The following SRSF9 variants were observed in gnomAD, a reference collection of about 807,000 sequenced individuals.
The protein encoded by SRSF9 is serine and arginine rich splicing factor 9.
SRSF9 carries 3 observed loss-of-function variants against 25.9 expected under a neutral mutation model. The observed-to-expected ratio is 0.12, with a 90% confidence interval of 0.05 to 0.30. The LOEUF (loss-of-function observed/expected upper bound fraction) is 0.30. Among genes scored for constraint, SRSF9 ranks in the 10% least tolerant of loss-of-function variants. The pLI, the probability that SRSF9 is intolerant of heterozygous loss-of-function variation, is 1.00. For synonymous variants in SRSF9, 114 were observed against 113.2 expected, an observed-to-expected ratio of 1.01 and a Z score of -0.05; for missense variants, 161 against 303.5, an observed-to-expected ratio of 0.53 and a Z score of 3.49.
In SRSF9 at chr12:120,464,082, GTGATC is replaced by G; in HGVS notation, c.385_389del (p.Asp129HisfsTer11). On this transcript the variant is annotated frameshift_variant, in exon 3 of 4. Transcript: ENST00000229390. LOFTEE classifies it high-confidence loss of function. ...AACAGACATCCCCAGCTTCTCGCAT[GTGATC>G]CTTCAGGTCCTGCCAGCTGCCTGAC... 1 of 1,614,110 alleles carries G rather than the reference GTGATC, an allele frequency of 6.2e-7. No individual in the cohort carries two copies.
chr12:120,463,929 C>A (rs1177407411), intron 3 of SRSF9, 21 bp downstream of exon 3: 1 of 1,586,358 alleles, frequency 6.3e-7, no homozygotes, highest in Non-Finnish European at 8.6e-7. Context: ...ACAAGCTCCT[C>A]AACAGAAGGC....
At chr12:120,464,173 C>A (rs1878429873) in intron 2 of SRSF9, 51 bp from the exon 3 acceptor site, 2 of 1,566,604 alleles carry the variant, frequency 1.3e-6, no homozygotes, top group Admixed American at 3.8e-5. Context: ...ATGTTAACTG[C>A]CCTGTTAAGA....
At chr12:120,465,876 T>C in intron 1 of SRSF9, 89 bp from the exon 2 acceptor site, 1 of 1,311,864 alleles carries the variant, frequency 7.6e-7, no homozygotes, top group Non-Finnish European at 1.0e-6. Flanking sequence ...GCATGAGTAG[T>C]AAGCATAAAA....
chr12:120,467,806 T>C (rs1878514298), intron 1 of SRSF9, among the ~76,000 whole-genome samples: 1 of 149,668 alleles, frequency 6.7e-6, no homozygotes, highest in Non-Finnish European at 1.5e-5. Context: ...TCAAATCCAT[T>C]GATCCCGGCC....
chr12:120,469,283 T>G (rs1180436950), intron 1 of SRSF9, 139 bp downstream of exon 1: 18 of 502,946 alleles, frequency 3.6e-5, no homozygotes, highest in Non-Finnish European at 6.0e-5. Context: ...CCTCCACCCG[T>G]GAGGGGGCGC....
Position 120,463,934 on chromosome 12 carries a change from G to T in SRSF9, c.522+16C>A, listed in dbSNP as rs1175737099. 1.3e-5 allele frequency: 20 copies of T among 1,590,284 alleles called. No individual in the cohort carries two copies. The highest frequency in any genetic ancestry group is 1.5e-5 in the Non-Finnish European group (17 of 1,168,938). On this transcript the variant is annotated intron_variant, in intron 3 of 3. Transcript: ENST00000229390. ...TGATTTGAGTACAAGCTCCTCAACA[G>T]AAGGCAAGGACCCACCTCATGAGAG...
intron 3 of SRSF9, chr12:120,463,582 C>T (rs1878413852): frequency 6.0e-6 from 1 of 166,012 alleles, no homozygotes. Context: ...CAGCCTGGAC[C>T]CACAGGAGGG....
chr12:120,464,826 A>T (rs2137050206), intron 2 of SRSF9: 1 of 152,294 alleles, frequency 6.6e-6, no homozygotes, highest in Non-Finnish European at 1.5e-5. Context: ...TAGTTTTCTA[A>T]GCAGGATTTC....
In SRSF9 at chr12:120,469,556, C is replaced by T. The variant is rs370480402; in HGVS notation, c.54G>A (p.Val18=). 2.5e-6 allele frequency: 4 copies of T among 1,575,040 alleles called. No homozygotes were observed. Among genetic ancestry groups the T allele is most frequent in the African/African-American group, 1.4e-5 (1 of 71,332 alleles). The change falls in exon 1 of 4, where the codon GTG becomes GTA. Residue 18 remains valine (V), a synonymous_variant. Coordinates refer to ENST00000229390, the MANE Select transcript of SRSF9 (RefSeq NM_003769.3). ...CGCGCACGTCGGTCGGAAGGTTCCC[C>T]ACGTAGATGCGCCCGTCGCCCTCGC... ...RGGEGDGRIY[V]GNLPTDVREK...
At chr12:120,468,481 A>T (rs185613198) in intron 1 of SRSF9, among the ~76,000 whole-genome samples, 1 of 152,202 alleles carries the variant, frequency 6.6e-6, no homozygotes, top group East Asian at 1.9e-4. Flanking sequence ...TCAGCCATCA[A>T]CGCCTCGCGG....
chr12:120,463,848 C>A, intron 3 of SRSF9, 102 bp downstream of exon 3: 1 of 1,356,880 alleles, frequency 7.4e-7, no homozygotes, highest in South Asian at 1.4e-5. Context: ...TCTTATGGTA[C>A]TGTGAGGTTA....
At chr12:120,468,433 TGAG>T (rs1310819766) in intron 1 of SRSF9, among the ~76,000 whole-genome samples, 8 of 152,202 alleles carry the variant, frequency 5.3e-5, no homozygotes, top group Admixed American at 3.9e-4. Flanking sequence ...TTGAGGCAAA[TGAG>T]GAGATACTAG....
rs775156072 is a variant in SRSF9 at position 120,462,056 on chromosome 12, C to T, written c.629G>A (p.Gly210Asp). 1 of 1,611,886 alleles carries T rather than the reference C, an allele frequency of 6.2e-7. No individual in the cohort carries two copies. The highest frequency in any genetic ancestry group is 1.1e-5 in the South Asian group (1 of 90,960). The change falls in exon 4 of 4, where the codon GGT (glycine) becomes GAT (aspartate). Residue 210 changes from glycine to aspartate, a missense_variant. This residue lies in a region of SRSF9 where 21 missense variants were observed against 20.1 expected (regional missense o/e 1.05). Transcript: ENST00000229390. ...GAAAGGAGAGAAGTAGTGTGGGGAA[C>T]CCCTGCTTTGGTATGGAGAGTCACG... is the stretch of plus-strand genomic sequence containing the variant. The part of the protein sequence containing the change: ...RGRDSPYQSR[G>D]SPHYFSPFRP...
intron 1 of SRSF9, among the ~76,000 whole-genome samples, chr12:120,469,208 T>A (rs935227379): frequency 4.2e-4 from 64 of 151,790 alleles, no homozygotes; most frequent in South Asian, 1.0e-3. Context: ...ATTGGAATAA[T>A]AAAAATAAAG....
chr12:120,464,332 T>C (rs578253126), intron 2 of SRSF9: 2 of 493,844 alleles, frequency 4.0e-6, no homozygotes, highest in Admixed American at 7.5e-5. Context: ...TTTAAGTTCA[T>C]CTTCCAGAGA....
At chr12:120,465,911 A>G in intron 1 of SRSF9, 124 bp from the exon 2 acceptor site, 1 of 940,998 alleles carries the variant, frequency 1.1e-6, no homozygotes, top group South Asian at 1.9e-5. Context: ...GAAGAAAAAA[A>G]CACACAAATC....
chr12:120,461,746 G>C lies in SRSF9; in HGVS notation c.*273C>G, dbSNP rs1878345131. The C allele has an allele frequency of 3.5e-6, 1 of 283,294 alleles. No homozygotes were observed. Among genetic ancestry groups the C allele is most frequent in the Non-Finnish European group, 6.6e-6 (1 of 152,262 alleles). The allele number at this position is 283,294 out of a possible 1,614,324, so 17.5% of individuals were successfully genotyped here. On this transcript the variant is annotated 3_prime_UTR_variant, in exon 4 of 4. Coordinates refer to ENST00000229390, the MANE Select transcript of SRSF9 (RefSeq NM_003769.3). ...ACAGTAACTGTTGATCTCCATAGTAGAGCAACCCACAAAGACAGAACTGAT... is the reference window on the plus strand; with the variant it reads ...ACAGTAACTGTTGATCTCCATAGTACAGCAACCCACAAAGACAGAACTGAT...
Position 120,469,690 on chromosome 12 carries a change from G to C in SRSF9, c.-81C>G, listed in dbSNP as rs1485741145. On this transcript the variant is annotated 5_prime_UTR_variant, in exon 1 of 4. Coordinates refer to ENST00000229390, the MANE Select transcript of SRSF9 (RefSeq NM_003769.3). ...GCACGGGTCCCCCCGCAGCGTCCCCGCGGGCTCCGAGGCGCTCAGCCGCAC... is the reference window on the plus strand; with the variant it reads ...GCACGGGTCCCCCCGCAGCGTCCCCCCGGGCTCCGAGGCGCTCAGCCGCAC... The C allele has an allele frequency of 2.4e-5, 23 of 965,158 alleles. No homozygotes were observed. The East Asian group carries it at 9.3e-4, about 39-fold the overall frequency. 59.8% of individuals were successfully genotyped at this position (965,158 alleles called of 1,614,324 possible).
In SRSF9 at chr12:120,465,806, AC is replaced by A. The variant is rs201687040; in HGVS notation, c.189-20del. ...TGCATCTCTAAAAAAAACAACAACA[AC>A]AAAAAAAACGTTTGGAGTTAGTGCT... On this transcript the variant is annotated intron_variant, in intron 1 of 3. Transcript: ENST00000229390. 453 of 1,548,742 alleles carry A rather than the reference AC, an allele frequency of 2.9e-4. No homozygotes were observed. Among genetic ancestry groups the A allele is most frequent in the East Asian group, 2.2e-3 (88 of 40,316 alleles).
Sources: allele counts gnomAD v4.1 joint callset (sites outside exome capture counted in the v4.1 genomes callset), GRCh38; gene constraint gnomAD v4.1.1; regional missense constraint gnomAD v4.1.1; transcripts MANE v1.5; gene names NCBI Gene and HGNC (gene_info 2026-07-23, HGNC 2026-07-21).